Variants in CD86 observed in about 807,000 individuals in gnomAD.
CD86 encodes the protein CD86 molecule.
CD86 carries 11 observed loss-of-function variants against 32.1 expected under a neutral mutation model. The ratio of observed to expected loss-of-function variants is 0.34; its 90% CI spans 0.22 to 0.57. CD86 has a LOEUF of 0.57. Ranked by LOEUF, CD86 falls within the 20% of genes least tolerant of loss-of-function variation. The pLI, the probability that CD86 is intolerant of heterozygous loss-of-function variation, is 0.86. For missense variants in CD86, 359 were observed against 398.4 expected (o/e 0.90, Z 0.84); for synonymous variants, 137 against 135.3 (o/e 1.01, Z -0.09).
intron 1 of CD86, among the ~76,000 whole-genome samples, chr3:122,089,166 AGAG>A (rs927619897): frequency 3.3e-5 from 5 of 152,352 alleles, no homozygotes; most frequent in South Asian, 4.1e-4. Context: ...GCAAGAGCTG[AGAG>A]GAGGAGAGAA....
intron 1 of CD86, among the ~76,000 whole-genome samples, chr3:122,061,090 T>C (rs894748882): frequency 2.0e-5 from 3 of 152,196 alleles, no homozygotes; most frequent in African/African-American, 7.2e-5. Flanking sequence ...AGATTTGCAC[T>C]AAAACATCAA....
intron 2 of CD86, 22 bp downstream of exon 2, chr3:122,091,672 T>G: frequency 6.2e-7 from 1 of 1,602,980 alleles, no homozygotes; most frequent in Non-Finnish European, 8.5e-7. Context: ...TCAGCTTTGT[T>G]AAGTCCTGGA....
chr3:122,105,465 A>C (rs192618995), intron 3 of CD86, among the ~76,000 whole-genome samples: 1 of 152,194 alleles, frequency 6.6e-6, no homozygotes, highest in Middle Eastern at 3.2e-3. Flanking sequence ...TAAAAGAACA[A>C]GGGATTTTTT....
intron 1 of CD86, among the ~76,000 whole-genome samples, chr3:122,071,447 T>C (rs2072487481): frequency 6.6e-6 from 1 of 152,222 alleles, no homozygotes; most frequent in South Asian, 2.1e-4. Context: ...CCATGTCTTT[T>C]CACATCTTGA....
intron 1 of CD86, among the ~76,000 whole-genome samples, chr3:122,060,467 A>G (rs1356551344): frequency 2.0e-5 from 3 of 152,132 alleles, no homozygotes; most frequent in Non-Finnish European, 4.4e-5. Context: ...CCAGACCCAG[A>G]GTTCTTCCTT....
intron 1 of CD86, among the ~76,000 whole-genome samples, chr3:122,086,905 C>A (rs368147321): frequency 2.7e-5 from 1 of 37,022 alleles, no homozygotes; most frequent in Non-Finnish European, 5.1e-5. Flanking sequence ...CATTTTTAAA[C>A]GTGCTACACC....
chr3:122,098,508 G>A (rs908177394), intron 2 of CD86, among the ~76,000 whole-genome samples: 2 of 152,170 alleles, frequency 1.3e-5, no homozygotes, highest in African/African-American at 4.8e-5. Context: ...TGTAAGGCCA[G>A]GGGAAGGACT....
intron 1 of CD86, among the ~76,000 whole-genome samples, chr3:122,085,972 A>T: frequency 6.6e-6 from 1 of 152,160 alleles, no homozygotes; most frequent in East Asian, 1.9e-4. Flanking sequence ...CTCCACAGAG[A>T]CTGTGGTGTC....
At chr3:122,104,344 A>C (rs953282635) in intron 3 of CD86, among the ~76,000 whole-genome samples, 1 of 152,170 alleles carries the variant, frequency 6.6e-6, no homozygotes, top group South Asian at 2.1e-4. Context: ...TTGCTGCCAC[A>C]ACCATGAGCC....
chr3:122,119,618 G>C lies in CD86; in HGVS notation c.*84G>C. On this transcript the variant is annotated 3_prime_UTR_variant, in exon 7 of 7. Transcript: ENST00000330540. ...TGGGCAACCTTTTTGATTTCTTCCAGAAGGCAAAAAGACATTACCATGAGT... is the reference window on the plus strand; with the variant it reads ...TGGGCAACCTTTTTGATTTCTTCCACAAGGCAAAAAGACATTACCATGAGT... 1.2e-6 allele frequency: 1 copy of C among 857,764 alleles called. No individual in the cohort carries two copies. Among genetic ancestry groups the C allele is most frequent in the Non-Finnish European group, 1.9e-6 (1 of 523,444 alleles). 53.1% of individuals were successfully genotyped at this position (857,764 alleles called of 1,614,324 possible). A position where few individuals can be genotyped will look rare whatever the true frequency, so the allele number is the denominator to read the frequency against.
intron 1 of CD86, among the ~76,000 whole-genome samples, chr3:122,061,875 T>G (rs2072341378): frequency 6.6e-6 from 1 of 152,150 alleles, no homozygotes; most frequent in South Asian, 2.1e-4. Context: ...CCTATGCTCC[T>G]GCAAAAATCA....
chr3:122,091,051 TAACCG>T (rs1257762073), intron 1 of CD86, among the ~76,000 whole-genome samples: 1 of 152,212 alleles, frequency 6.6e-6, no homozygotes, highest in Admixed American at 6.5e-5. Context: ...AATGCAATAC[TAACCG>T]ATTGCCCCCA....
intron 1 of CD86, chr3:122,086,574 A>G (rs571206242): frequency 4.2e-6 from 2 of 479,966 alleles, no homozygotes; most frequent in Non-Finnish European, 8.4e-6. Flanking sequence ...AGTAGTGTGC[A>G]CCTGAAGCCT....
At chr3:122,058,758 T>TA (rs991910619) in intron 1 of CD86, among the ~76,000 whole-genome samples, 23 of 151,884 alleles carry the variant, frequency 1.5e-4, no homozygotes, top group African/African-American at 2.7e-4. Flanking sequence ...AAATTTACTT[T>TA]AAAAAAAATC....
chr3:122,085,443 A>G (rs1248029711), intron 1 of CD86, among the ~76,000 whole-genome samples: 1 of 152,148 alleles, frequency 6.6e-6, no homozygotes, highest in Non-Finnish European at 1.5e-5. Context: ...TCGAATACCC[A>G]CTGTGTGCCA....
rs575011669 is a variant in CD86, at chr3:122,056,221, C to T, written c.14+718C>T. ...GGGTAGAGCTAAAATCTTTCCTGCC[C>T]GCTTCGTGGTGCGCCAGAAGGTTTC... On this transcript the variant is annotated intron_variant, in intron 1 of 6. Transcript: ENST00000330540. Among the ~76,000 whole-genome samples, 117 of 152,240 alleles carry T rather than the reference C, an allele frequency of 7.7e-4. 1 individual carries two copies. Among genetic ancestry groups the T allele is most frequent in the South Asian group, 7.5e-3 (36 of 4,818 alleles).
intron 1 of CD86, among the ~76,000 whole-genome samples, chr3:122,081,693 T>A (rs1303065993): frequency 6.6e-6 from 1 of 152,126 alleles, no homozygotes; most frequent in East Asian, 1.9e-4. Flanking sequence ...TCAGAATGAG[T>A]GGACTTAATT....
chr3:122,062,054 T>A (rs1447116607), intron 1 of CD86, among the ~76,000 whole-genome samples: 1 of 150,068 alleles, frequency 6.7e-6, no homozygotes, highest in East Asian at 1.9e-4. Context: ...TTCTTTTGAA[T>A]CAATAATTAT....
intron 5 of CD86, among the ~76,000 whole-genome samples, chr3:122,114,213 T>C (rs2073216576): frequency 6.6e-6 from 1 of 151,946 alleles, no homozygotes; most frequent in African/African-American, 2.4e-5. Context: ...ATCACACCAC[T>C]GCACTCCAGC....
Sources: gnomAD v4.1 joint callset for allele counts (sites outside exome capture counted in the v4.1 genomes callset) on GRCh38, gnomAD v4.1.1 for gene constraint, MANE v1.5 for transcripts, NCBI Gene and HGNC (gene_info 2026-07-23, HGNC 2026-07-21) for gene names.